The following CDK10 variants were observed in gnomAD, a reference collection of about 807,000 sequenced individuals.
The protein encoded by CDK10 is cyclin dependent kinase 10.
CDK10 carries 55 observed loss-of-function variants against 51.0 expected under a neutral mutation model. That is an observed-to-expected ratio of 1.08 (90% CI 0.87 to 1.35). The LOEUF is 1.35. CDK10 is among the 40% of genes most tolerant of loss of function. The pLI, the probability that CDK10 is intolerant of heterozygous loss-of-function variation, is 0.00. For missense variants in CDK10, 589 were observed against 485.1 expected (o/e 1.21, Z -2.01); for synonymous variants, 255 against 199.1 (o/e 1.28, Z -2.36).
Position 89,695,917 on chromosome 16 carries a change from G to A in CDK10, c.*225G>A. 3 of 928,776 alleles carry A rather than the reference G, an allele frequency of 3.2e-6. No homozygotes were observed. The highest frequency in any genetic ancestry group is 4.9e-6 in the Non-Finnish European group (3 of 607,764). 57.5% of individuals were successfully genotyped at this position (928,776 alleles called of 1,614,324 possible). A position where few individuals can be genotyped will look rare whatever the true frequency, so the allele number is the denominator to read the frequency against. On this transcript the variant is annotated 3_prime_UTR_variant, in exon 13 of 13. Coordinates refer to ENST00000353379, the MANE Select transcript of CDK10 (RefSeq NM_052988.5). ...GGCTCCCAGCCCGTGCACCCTGGAA[G>A]GGCAGGTCTGGCGGCTCCATCCGTG...
At position 89,695,045 on chromosome 16, in the gene CDK10, C is replaced by A. The variant is rs754664515; in HGVS notation, c.907C>A (p.Leu303Met). ...SEAGLRLLHF[L>M]FMYDPKKRAT... ...GGCCGGGCTGCGCCTGCTGCACTTC[C>A]TGTTCATGTACGACCCTAAGAAAAG... The change falls in exon 11 of 13, where the codon CTG (leucine) becomes ATG (methionine). Residue 303 changes from leucine (L) to methionine (M), a missense_variant. Coordinates refer to ENST00000353379, the MANE Select transcript of CDK10 (RefSeq NM_052988.5). 1.9e-6 allele frequency: 3 copies of A among 1,613,190 alleles called. No individual in the cohort carries two copies. Among genetic ancestry groups the A allele is most frequent in the Non-Finnish European group, 2.5e-6 (3 of 1,180,010 alleles).
chr16:89,692,309 C>A, intron 5 of CDK10, 140 bp from the exon 6 acceptor site: 1 of 608,112 alleles, frequency 1.6e-6, no homozygotes, highest in Non-Finnish European at 2.8e-6. Flanking sequence ...CGTGCAGCCC[C>A]GGGGCCGAGA....
At chr16:89,690,358 A>C in intron 2 of CDK10, 195 bp from the exon 3 acceptor site, 1 of 603,316 alleles carries the variant, frequency 1.7e-6, no homozygotes, top group Non-Finnish European at 3.0e-6. Flanking sequence ...GCCCAGTTCA[A>C]ATGAGGAAAC....
chr16:89,694,225 G>A lies in CDK10; in HGVS notation c.661G>A (p.Asp221Asn), dbSNP rs145469184. 1.4e-5 allele frequency: 22 copies of A among 1,613,690 alleles called. No homozygotes were observed. The highest frequency in any genetic ancestry group is 2.7e-5 in the African/African-American group (2 of 74,892). Residue 221 changes from aspartate (D) to asparagine (N), a missense_variant, in exon 9 of 13, where the codon GAC (aspartate) becomes AAC (asparagine). Asp to Asn is a conservative substitution (Grantham distance 23, BLOSUM62 1). Coordinates refer to ENST00000353379, the MANE Select transcript of CDK10 (RefSeq NM_052988.5). Reference protein sequence around the residue: ...LGTTTQTTSIDMWAVGCILAE... With the variant: ...LGTTTQTTSINMWAVGCILAE... ...AACCACCACGCAGACCACCAGCATC[G>A]ACATGTGGTGAGGAGATACGGTTAC...
At chr16:89,689,880 C>T (rs1271455866) in intron 2 of CDK10, 1 of 154,840 alleles carries the variant, frequency 6.5e-6, no homozygotes, top group African/African-American at 2.4e-5. Flanking sequence ...GATGGGATCT[C>T]CCTATGTTGC....
At position 89,694,740 on chromosome 16, in the gene CDK10, C is replaced by G. The variant is rs772047655; in HGVS notation, c.744C>G (p.Ile248Met). ...LLPGTSEIHQ[I>M]DLIVQLLGTP... ...CCGGCACTTCCGAGATCCACCAGAT[C>G]GACTTGATCGTGCAGCTGCTGGGCA... Residue 248 changes from isoleucine (I) to methionine (M), a missense_variant, in exon 10 of 13, where the codon ATC (isoleucine) becomes ATG (methionine). Transcript: ENST00000353379. 3 of 1,575,500 alleles carry G rather than the reference C, an allele frequency of 1.9e-6. No homozygotes were observed. Among genetic ancestry groups the G allele is most frequent in the Admixed American group, 1.8e-5 (1 of 54,486 alleles).
intron 5 of CDK10, chr16:89,692,112 T>G (rs1193736028): frequency 8.5e-6 from 5 of 591,262 alleles, no homozygotes; most frequent in African/African-American, 1.9e-5. Context: ...ACTGGTTTCC[T>G]GGGCTGTTGG....
chr16:89,694,541 C>T lies in CDK10; in HGVS notation c.669-124C>T, dbSNP rs773790402. 169 of 1,499,554 alleles carry T rather than the reference C, an allele frequency of 1.1e-4. No homozygotes were observed. The Middle Eastern group carries it at 2.9e-3, about 26-fold the overall frequency. The allele number at this position is 1,499,554 out of a possible 1,614,324, so 92.9% of individuals were successfully genotyped here. ...GTCCCTGCCTGTCCTTCACAGTGTC[C>T]CTGACCCAGCGTGCCTCACACTGGC... On this transcript the variant is annotated intron_variant, in intron 9 of 12. Coordinates refer to ENST00000353379, the MANE Select transcript of CDK10 (RefSeq NM_052988.5).
chr16:89,689,061 C>G (rs1029885995), intron 1 of CDK10, among the ~76,000 whole-genome samples, 191 bp from the exon 2 acceptor site: 1 of 150,984 alleles, frequency 6.6e-6, no homozygotes, highest in South Asian at 2.1e-4. Flanking sequence ...GTTCTTGCCA[C>G]TGCACTCCAG....
intron 6 of CDK10, 135 bp from the exon 7 acceptor site, chr16:89,693,137 CAA>C (rs56171201): frequency 0.052 from 28,305 of 543,564 alleles, no homozygotes; most frequent in Middle Eastern, 0.085. Context: ...GACTCTGTCT[CAA>C]AAAAAAAAAA....
intron 2 of CDK10, 134 bp from the exon 3 acceptor site, chr16:89,690,419 G>A (rs1393022261): frequency 6.8e-6 from 5 of 737,218 alleles, no homozygotes; most frequent in Non-Finnish European, 1.2e-5. Flanking sequence ...AGTGGGGACT[G>A]AGTGTCACTG....
In CDK10 at chr16:89,695,089, G is replaced by C. The variant is rs367782553; in HGVS notation, c.932+19G>C. The C allele has an allele frequency of 1.2e-6, 2 of 1,606,420 alleles. No individual in the cohort carries two copies. Among genetic ancestry groups the C allele is most frequent in the African/African-American group, 1.3e-5 (1 of 74,876 alleles). On this transcript the variant is annotated intron_variant, in intron 11 of 12. Coordinates refer to ENST00000353379, the MANE Select transcript of CDK10 (RefSeq NM_052988.5). ...AGAAAAGGTGCTGATCTCTGCACGG[G>C]GGGCAGGGACCCTCACCACCCACAC...
intron 5 of CDK10, 189 bp from the exon 6 acceptor site, chr16:89,692,260 G>A (rs1193839956): frequency 2.4e-5 from 13 of 533,098 alleles, no homozygotes; most frequent in Non-Finnish European, 9.9e-6. Flanking sequence ...CCGGGGCCAA[G>A]AGCCTTGTGA....
chr16:89,693,701 C>T (rs956352287), intron 8 of CDK10: 8 of 586,118 alleles, frequency 1.4e-5, no homozygotes, highest in South Asian at 2.0e-5. Context: ...AGACACACCT[C>T]GCCTTGAGAG....
intron 6 of CDK10, chr16:89,692,776 G>T (rs2060510094): frequency 2.9e-6 from 1 of 342,754 alleles, no homozygotes; most frequent in Non-Finnish European, 5.3e-6. Context: ...ACCACACCCA[G>T]GCATGCACTC....
At chr16:89,692,285 T>C (rs2060488537) in intron 5 of CDK10, 164 bp from the exon 6 acceptor site, 1 of 529,210 alleles carries the variant, frequency 1.9e-6, no homozygotes, top group Non-Finnish European at 3.3e-6. Context: ...ACTGGTTTCC[T>C]GGGCTGCTGG....
intron 4 of CDK10, 111 bp downstream of exon 4, chr16:89,691,656 G>A: frequency 1.6e-6 from 2 of 1,215,654 alleles, no homozygotes; most frequent in East Asian, 2.4e-5. Context: ...TGTCAGAGAA[G>A]AGATGACCCC....
At chr16:89,691,339 T>C in intron 3 of CDK10, 104 bp from the exon 4 acceptor site, 1 of 775,704 alleles carries the variant, frequency 1.3e-6, no homozygotes, top group Non-Finnish European at 2.1e-6. Flanking sequence ...GTGGGGACAC[T>C]GCAGCACCTG....
intron 3 of CDK10, 89 bp downstream of exon 3, chr16:89,690,713 G>A (rs983350881): frequency 2.1e-5 from 25 of 1,162,996 alleles, no homozygotes; most frequent in African/African-American, 4.5e-5. Flanking sequence ...GCGACTGCAC[G>A]GTGCTTGTAG....
Sources: allele counts gnomAD v4.1 joint callset (sites outside exome capture counted in the v4.1 genomes callset), GRCh38; gene constraint gnomAD v4.1.1; transcripts MANE v1.5; gene names NCBI Gene and HGNC (gene_info 2026-07-23, HGNC 2026-07-21).